Variants in MSN observed in about 807,000 individuals in gnomAD.
The protein encoded by MSN is moesin, also known as epididymis luminal protein 70.
MSN carries 2 observed loss-of-function variants against 48.0 expected under a neutral mutation model. The observed-to-expected ratio is 0.04, with a 90% confidence interval of 0.02 to 0.13. MSN has a LOEUF of 0.13. Ranked by LOEUF, MSN falls within the 10% of genes least tolerant of loss-of-function variation. MSN has a pLI of 1.00. For missense variants in MSN, 267 were observed against 470.1 expected (o/e 0.57, Z 3.99); for synonymous variants, 146 against 166.9 (o/e 0.87, Z 0.97).
chrX:65,730,127 ATTGACAGCTAGTG>A (rs1293615800), intron 4 of MSN, among the ~76,000 whole-genome samples: 1 of 112,516 alleles, frequency 8.9e-6, no homozygotes, highest in Non-Finnish European at 1.9e-5. Context: ...GTCTTTTAAT[ATTGACAGCTAGTG>A]TACAGAGCTT....
chrX:65,690,934 A>G (rs1269839939), intron 1 of MSN, among the ~76,000 whole-genome samples: 4 of 111,464 alleles, frequency 3.6e-5, no homozygotes, highest in Non-Finnish European at 5.7e-5. Context: ...TCCCGAGTAG[A>G]GAATAAGCTC....
At chrX:65,683,393 G>GCCACCACCACCACCACCACCA (rs535010759) in intron 1 of MSN, among the ~76,000 whole-genome samples, 2 of 91,316 alleles carry the variant, frequency 2.2e-5, no homozygotes, top group Non-Finnish European at 4.2e-5. Context: ...TGCCGCCGCC[G>GCCACCACCACCACCACCACCA]CCACCACCAC....
intron 1 of MSN, among the ~76,000 whole-genome samples, chrX:65,591,802 A>G (rs1478177224): frequency 9.0e-6 from 1 of 111,005 alleles, no homozygotes. Context: ...GATTAGTGTT[A>G]TATCTCCCTC....
At chrX:65,697,467 A>G (rs947193635) in intron 1 of MSN, among the ~76,000 whole-genome samples, 18 of 111,519 alleles carry the variant, frequency 1.6e-4, no homozygotes. Flanking sequence ...GAGAGGAGAG[A>G]AGGAAGTTTC....
At chrX:65,614,874 TC>T (rs1433840798) in intron 1 of MSN, among the ~76,000 whole-genome samples, 8 of 61,362 alleles carry the variant, frequency 1.3e-4, no homozygotes, top group Non-Finnish European at 1.9e-4. Context: ...CCCACAACAG[TC>T]CCCAGAGTGT....
chrX:65,599,959 G>T (rs941602771), intron 1 of MSN, among the ~76,000 whole-genome samples: 1 of 108,875 alleles, frequency 9.2e-6, no homozygotes, highest in Non-Finnish European at 1.9e-5. Flanking sequence ...TTGGAGAAAA[G>T]ATACTGACAT....
At chrX:65,653,852 C>A (rs2070760302) in intron 1 of MSN, among the ~76,000 whole-genome samples, 1 of 110,567 alleles carries the variant, frequency 9.0e-6, no homozygotes, top group South Asian at 3.8e-4. Flanking sequence ...CGGCTGACTG[C>A]AACCTCCACC....
rs193191712 is a variant in MSN, at chrX:65,632,942, T to C, written c.-22+44330T>C. On this transcript the variant is annotated intron_variant, in intron 1 of 3. Transcript: ENST00000609672. ...GAAGATGAAGGATCATTAGGGAGGA[T>C]TTCTCAGGAGAAGTAATCCTCAGCT... Among the ~76,000 whole-genome samples, 5 of 111,853 alleles carry C rather than the reference T, an allele frequency of 4.5e-5. No homozygotes were observed. In the East Asian group the frequency reaches 1.4e-3, roughly 31 times the overall value.
chrX:65,735,201 T>G, intron 7 of MSN, 66 bp from the exon 8 acceptor site: 2 of 1,151,700 alleles, frequency 1.7e-6, no homozygotes, highest in South Asian at 1.9e-5. Flanking sequence ...ATTTAGCTTT[T>G]CAGAAGGCAG....
intron 1 of MSN, among the ~76,000 whole-genome samples, chrX:65,604,240 A>T (rs182703282): frequency 8.9e-6 from 1 of 112,091 alleles, no homozygotes; most frequent in East Asian, 2.8e-4. Context: ...CAGAGGACAG[A>T]TGTCCAGGGA....
intron 3 of MSN, among the ~76,000 whole-genome samples, chrX:65,728,495 G>A (rs903208744): frequency 6.4e-4 from 71 of 110,103 alleles, no homozygotes; most frequent in Non-Finnish European, 1.1e-3. Flanking sequence ...GGGTTTCACC[G>A]TTTTAGCCAG....
chrX:65,655,006 C>T (rs1368504772), intron 1 of MSN, among the ~76,000 whole-genome samples: 2 of 111,034 alleles, frequency 1.8e-5, no homozygotes, highest in African/African-American at 6.6e-5. Flanking sequence ...TTGTCTGTCT[C>T]CCTCACTAGG....
At chrX:65,733,308 C>A (rs753837952) in intron 7 of MSN, 28 bp downstream of exon 7, 10 of 1,092,061 alleles carry the variant, frequency 9.2e-6, no homozygotes, top group Non-Finnish European at 1.3e-5. Flanking sequence ...CTGACCAAGA[C>A]AGGTACTTGC....
At chrX:65,600,901 G>C (rs1054507641) in intron 1 of MSN, among the ~76,000 whole-genome samples, 2 of 111,558 alleles carry the variant, frequency 1.8e-5, no homozygotes, top group South Asian at 7.4e-4. Context: ...ATTCCAGCCT[G>C]TGAAATGGCG....
intron 1 of MSN, among the ~76,000 whole-genome samples, chrX:65,706,204 A>G (rs1247407809): frequency 8.9e-6 from 1 of 111,873 alleles, no homozygotes; most frequent in Non-Finnish European, 1.9e-5. Context: ...AAAACAGACC[A>G]GGACCTGCCC....
intron 1 of MSN, among the ~76,000 whole-genome samples, chrX:65,595,808 T>C: frequency 8.9e-6 from 1 of 112,565 alleles, no homozygotes; most frequent in Non-Finnish European, 1.9e-5. Context: ...AGAGAAGAGA[T>C]GAGACCAGTC....
chrX:65,703,970 G>A (rs2071336226), intron 1 of MSN, among the ~76,000 whole-genome samples: 1 of 112,128 alleles, frequency 8.9e-6, no homozygotes, highest in Non-Finnish European at 1.9e-5. Context: ...ATGAGCAATA[G>A]ATGGAACCCA....
intron 1 of MSN, among the ~76,000 whole-genome samples, chrX:65,655,613 C>A (rs2070775390): frequency 8.9e-6 from 1 of 112,549 alleles, no homozygotes; most frequent in Non-Finnish European, 1.9e-5. Context: ...CCTCGTGTCC[C>A]ACTGTGGCTT....
intron 1 of MSN, among the ~76,000 whole-genome samples, chrX:65,599,875 G>A (rs1299085764): frequency 1.8e-5 from 2 of 111,197 alleles, no homozygotes; most frequent in African/African-American, 6.5e-5. Context: ...GGAGGCTTTT[G>A]AGAAGGGATG....
Sources: allele counts gnomAD v4.1 joint callset (sites outside exome capture counted in the v4.1 genomes callset), GRCh38; gene constraint gnomAD v4.1.1; transcripts MANE v1.5; gene names NCBI Gene and HGNC (gene_info 2026-07-23, HGNC 2026-07-21).